The following MTUS1 variants were observed in gnomAD, a reference collection of about 807,000 sequenced individuals.
MTUS1 encodes the protein microtubule associated scaffold protein 1.
MTUS1 carries 109 observed loss-of-function variants against 120.8 expected under a neutral mutation model. The observed-to-expected ratio is 0.90, with a 90% CI of 0.77 to 1.06. MTUS1 has a LOEUF of 1.06. Ranked by LOEUF, MTUS1 falls within the 50% of genes least tolerant of loss-of-function variation. MTUS1 has a pLI of 0.00. For missense variants in MTUS1, 2,210 were observed against 1,486.3 expected (o/e 1.49, Z -8.01); for synonymous variants, 737 against 550.5 (o/e 1.34, Z -4.74).
chr8:17,684,189 C>A, intron 7 of MTUS1, 139 bp downstream of exon 7: 1 of 657,354 alleles, frequency 1.5e-6, no homozygotes, highest in Non-Finnish European at 2.7e-6. Flanking sequence ...GGTGAAGTGA[C>A]AAAAATGTAA....
intron 3 of MTUS1, among the ~76,000 whole-genome samples, chr8:17,732,600 C>T (rs1055714637): frequency 1.4e-4 from 22 of 152,202 alleles, no homozygotes; most frequent in East Asian, 1.9e-4. Flanking sequence ...ATTTCTCCCA[C>T]GCACTTCAAA....
intron 8 of MTUS1, among the ~76,000 whole-genome samples, chr8:17,663,490 A>C (rs6586619): frequency 6.6e-6 from 1 of 152,114 alleles, no homozygotes; most frequent in Non-Finnish European, 1.5e-5. Flanking sequence ...AAATGTCCTA[A>C]TAGGATAGAG....
At chr8:17,665,710 T>A (rs1375509307) in intron 8 of MTUS1, among the ~76,000 whole-genome samples, 1 of 152,188 alleles carries the variant, frequency 6.6e-6, no homozygotes. Context: ...CCCAGCGGGA[T>A]CTGACTGGCT....
At chr8:17,679,910 C>A (rs1312955811) in intron 7 of MTUS1, among the ~76,000 whole-genome samples, 2 of 152,146 alleles carry the variant, frequency 1.3e-5, no homozygotes, top group Non-Finnish European at 2.9e-5. Flanking sequence ...TTATGCTCAT[C>A]CTACATCTGG....
intron 7 of MTUS1, among the ~76,000 whole-genome samples, chr8:17,682,514 TCCCAA>T (rs1814774946): frequency 1.7e-5 from 1 of 58,126 alleles, no homozygotes; most frequent in Non-Finnish European, 3.2e-5. Context: ...CAAGACTCCA[TCCCAA>T]AAAAAAAAAA....
intron 4 of MTUS1, among the ~76,000 whole-genome samples, chr8:17,719,717 C>G (rs1481926296): frequency 6.6e-6 from 1 of 152,114 alleles, no homozygotes; most frequent in African/African-American, 2.4e-5. Context: ...TTCTTATCCA[C>G]TAACCAGTGT....
At chr8:17,678,846 T>A (rs571350867) in intron 7 of MTUS1, among the ~76,000 whole-genome samples, 1 of 151,930 alleles carries the variant, frequency 6.6e-6, no homozygotes, top group African/African-American at 2.4e-5. Flanking sequence ...AGCCACCCAA[T>A]AGACCCTTTT....
chr8:17,670,835 T>A (rs1585560357), intron 8 of MTUS1, among the ~76,000 whole-genome samples: 2 of 145,598 alleles, frequency 1.4e-5, no homozygotes, highest in African/African-American at 2.8e-5. Flanking sequence ...AAAAAAAAGA[T>A]TGGAGCAGAC....
chr8:17,757,486 A>G (rs570407962), intron 1 of MTUS1, among the ~76,000 whole-genome samples: 10 of 152,324 alleles, frequency 6.6e-5, no homozygotes, highest in African/African-American at 2.4e-4. Context: ...AACCATTAAA[A>G]CACCCACGAA....
rs138072186 is a variant in MTUS1 at position 17,717,680 on chromosome 8, A to G, written c.2450-1779T>C. On this transcript the variant is annotated intron_variant, in intron 4 of 14. Coordinates refer to ENST00000693296, the MANE Select transcript of MTUS1 (RefSeq NM_001363059.2). Reference sequence around the variant, plus strand: ...GCCCACGGTTCACAAAGAGATCAGTAAAAAGATTTTCACTAAAGTAAAGGA... The same window carrying G: ...GCCCACGGTTCACAAAGAGATCAGTGAAAAGATTTTCACTAAAGTAAAGGA... 2.4e-4 allele frequency among the ~76,000 whole-genome samples: 37 copies of G among 152,310 alleles called. No individual in the cohort carries two copies. The East Asian group carries it at 6.5e-3, about 27-fold the overall frequency.
chr8:17,799,570 A>G (rs1237086992), intron 1 of MTUS1, among the ~76,000 whole-genome samples: 1 of 152,180 alleles, frequency 6.6e-6, no homozygotes, highest in Non-Finnish European at 1.5e-5. Context: ...GAACAGGGCT[A>G]TTAAGTAACA....
chr8:17,676,198 T>C lies in MTUS1; in HGVS notation c.2839-946A>G, dbSNP rs545827581. Reference sequence around the variant, plus strand: ...CAAGAGTTGCTTGTCATTCAAAGCATTTTCCCTGAATTCCAGACAGCCTCT... The same window carrying C: ...CAAGAGTTGCTTGTCATTCAAAGCACTTTCCCTGAATTCCAGACAGCCTCT... On this transcript the variant is annotated intron_variant, in intron 7 of 14. Transcript: ENST00000693296. The C allele has an allele frequency of 2.0e-4, 143 of 699,414 alleles. 1 individual carries two copies. Among genetic ancestry groups the C allele is most frequent in the Non-Finnish European group, 3.6e-4 (138 of 382,988 alleles). 43.3% of individuals were successfully genotyped at this position (699,414 alleles called of 1,614,324 possible). A position where few individuals can be genotyped will look rare whatever the true frequency, so the allele number is the denominator to read the frequency against.
chr8:17,658,585 C>T (rs7815003), intron 8 of MTUS1, among the ~76,000 whole-genome samples: 1 of 152,130 alleles, frequency 6.6e-6, no homozygotes, highest in African/African-American at 2.4e-5. Flanking sequence ...CCCCAGAGTA[C>T]TCGTGGATTA....
At chr8:17,761,112 C>T (rs1006077023) in intron 1 of MTUS1, among the ~76,000 whole-genome samples, 1 of 151,424 alleles carries the variant, frequency 6.6e-6, no homozygotes, top group Non-Finnish European at 1.5e-5. Flanking sequence ...TAAACGGTTA[C>T]CAAAATATAT....
rs369768916 is a variant in MTUS1 at position 17,763,622 on chromosome 8, C to T, written c.-154-7661G>A. On this transcript the variant is annotated intron_variant, in intron 1 of 14. Transcript: ENST00000693296. ...GAGCTGCCCACCAGAGCCAGGACGA[C>T]GGTGCACTGAGGGAGATACTCGCTG... Among the ~76,000 whole-genome samples the T allele has an allele frequency of 3.3e-5, 5 of 152,100 alleles. No individual in the cohort carries two copies. In the East Asian group the frequency reaches 5.8e-4, roughly 18 times the overall value.
In MTUS1 at chr8:17,724,034, G is replaced by C. The variant is rs2046031101; in HGVS notation, c.2288-201C>G. The C allele has an allele frequency of 2.3e-5, 13 of 573,902 alleles. No homozygotes were observed. In the South Asian group the frequency reaches 2.5e-4, roughly 11 times the overall value. The allele number at this position is 573,902 out of a possible 1,614,324, so 35.6% of individuals were successfully genotyped here. ...TTGATCATTTAGAGGCAAGAGAGCAGAAATGATGAGGCAATTAGGATATGA... is the reference window on the plus strand; with the variant it reads ...TTGATCATTTAGAGGCAAGAGAGCACAAATGATGAGGCAATTAGGATATGA... On this transcript the variant is annotated intron_variant, in intron 3 of 14. Transcript: ENST00000693296.
chr8:17,763,467 G>C (rs2131392227), intron 1 of MTUS1, among the ~76,000 whole-genome samples: 1 of 152,258 alleles, frequency 6.6e-6, no homozygotes, highest in East Asian at 1.9e-4. Flanking sequence ...AGTTTAATTT[G>C]TATAACACTC....
chr8:17,733,474 TG>T (rs1322962706), intron 3 of MTUS1, among the ~76,000 whole-genome samples: 1 of 152,210 alleles, frequency 6.6e-6, no homozygotes, highest in Non-Finnish European at 1.5e-5. Context: ...AAAAGCTATT[TG>T]GTGGTGGTAA....
At chr8:17,671,110 T>G (rs1482961747) in intron 8 of MTUS1, among the ~76,000 whole-genome samples, 2 of 152,082 alleles carry the variant, frequency 1.3e-5, no homozygotes, top group African/African-American at 2.4e-5. Context: ...TAATTAGCAT[T>G]CCGCTGTATG....
Sources: allele counts gnomAD v4.1 joint callset (sites outside exome capture counted in the v4.1 genomes callset), GRCh38; gene constraint gnomAD v4.1.1; transcripts MANE v1.5; gene names NCBI Gene and HGNC (gene_info 2026-07-23, HGNC 2026-07-21).